The following PTPRT variants were observed in gnomAD, a reference collection of about 807,000 sequenced individuals.
PTPRT encodes the protein protein tyrosine phosphatase receptor type T.
In PTPRT, 56 loss-of-function variants were observed where a neutral mutation model predicts 176.8. The ratio of observed to expected loss-of-function variants is 0.32; its 90% CI spans 0.26 to 0.40. The LOEUF (loss-of-function observed/expected upper bound fraction) is 0.40. PTPRT is among the 10% of genes least tolerant of loss of function. The pLI, the probability that PTPRT is intolerant of heterozygous loss-of-function variation, is 1.00. For synonymous variants in PTPRT, 783 were observed against 739.0 expected, an observed-to-expected ratio of 1.06 and a Z score of -0.96; for missense variants, 1,540 against 1,908.2, an observed-to-expected ratio of 0.81 and a Z score of 3.60.
intron 6 of PTPRT, among the ~76,000 whole-genome samples, chr20:42,755,945 A>C (rs1295372303): frequency 1.3e-5 from 2 of 152,238 alleles, no homozygotes; most frequent in Non-Finnish European, 2.9e-5. Flanking sequence ...ATTTTAATGG[A>C]AAGCATGTAA....
At chr20:42,899,312 G>A (rs959502957) in intron 1 of PTPRT, among the ~76,000 whole-genome samples, 13 of 152,204 alleles carry the variant, frequency 8.5e-5, no homozygotes, top group African/African-American at 2.2e-4. Context: ...AGGTTTTCTC[G>A]ACACAGAAGG....
At chr20:42,355,142 C>A (rs190514272) in intron 9 of PTPRT, among the ~76,000 whole-genome samples, 262 of 152,202 alleles carry the variant, frequency 1.7e-3, no homozygotes, top group African/African-American at 6.1e-3. Flanking sequence ...TTAATTAACA[C>A]CCCAGCCCTG....
At chr20:42,732,472 G>A in intron 6 of PTPRT, among the ~76,000 whole-genome samples, 1 of 152,234 alleles carries the variant, frequency 6.6e-6, no homozygotes, top group East Asian at 1.9e-4. Context: ...GTTTGGCAGA[G>A]CCAAGAAGGA....
chr20:42,518,165 G>T (rs192058961), intron 7 of PTPRT, among the ~76,000 whole-genome samples: 1 of 151,816 alleles, frequency 6.6e-6, no homozygotes. Flanking sequence ...GACTTTTGTC[G>T]GTATATTAAT....
At chr20:42,516,875 G>A (rs1341189463) in intron 7 of PTPRT, among the ~76,000 whole-genome samples, 1 of 152,106 alleles carries the variant, frequency 6.6e-6, no homozygotes, top group Non-Finnish European at 1.5e-5. Context: ...AGCATTCTGA[G>A]AATGAATTCG....
intron 1 of PTPRT, among the ~76,000 whole-genome samples, chr20:43,086,539 G>T (rs909070993): frequency 9.2e-5 from 14 of 152,198 alleles, no homozygotes; most frequent in Admixed American, 5.2e-4. Flanking sequence ...TTGGCCTGAT[G>T]AATAATTTGC....
chr20:42,525,348 T>C (rs2072250000), intron 7 of PTPRT, among the ~76,000 whole-genome samples: 1 of 152,204 alleles, frequency 6.6e-6, no homozygotes, highest in African/African-American at 2.4e-5. Flanking sequence ...ACTGAGGGTA[T>C]ATGATTTCAA....
intron 7 of PTPRT, among the ~76,000 whole-genome samples, chr20:42,569,112 A>ATATATATATATATATAT (rs1344948586): frequency 4.1e-4 from 47 of 113,962 alleles, no homozygotes; most frequent in Non-Finnish European, 5.3e-4. Context: ...ATATATATAT[A>ATATATATATATATATAT]ATTTCAACTT....
chr20:42,915,647 G>A (rs1339346813), intron 1 of PTPRT, among the ~76,000 whole-genome samples: 1 of 151,964 alleles, frequency 6.6e-6, no homozygotes, highest in Admixed American at 6.6e-5. Context: ...TTTCAGAAAG[G>A]GTCTCACTCT....
At position 42,475,723 on chromosome 20, in the gene PTPRT, C is replaced by T. The variant is rs569130279; in HGVS notation, c.1154-3161G>A. Reference sequence around the variant, plus strand: ...TAAACACATTTAGTGCAAAGCTGACCGCTGGCCTTTTGATCCCTGGTCTCC... The same window carrying T: ...TAAACACATTTAGTGCAAAGCTGACTGCTGGCCTTTTGATCCCTGGTCTCC... On this transcript the variant is annotated intron_variant, in intron 7 of 30. Transcript: ENST00000373187. Among the ~76,000 whole-genome samples the T allele has an allele frequency of 1.4e-4, 21 of 152,260 alleles. No homozygotes were observed. In the South Asian group the frequency reaches 2.1e-3, roughly 15 times the overall value.
intron 9 of PTPRT, among the ~76,000 whole-genome samples, chr20:42,375,971 G>A (rs571791698): frequency 1.3e-5 from 2 of 152,240 alleles, no homozygotes; most frequent in South Asian, 2.1e-4. Context: ...AACCAATAAA[G>A]CAGCATGGGA....
chr20:42,670,978 T>C (rs1014487993), intron 7 of PTPRT, among the ~76,000 whole-genome samples: 7 of 152,102 alleles, frequency 4.6e-5, no homozygotes, highest in African/African-American at 1.4e-4. Context: ...AGGGTAACAA[T>C]GAGGAAGAGC....
At chr20:42,036,008 G>T in the PTPRT span, among the ~76,000 whole-genome samples, 1 of 152,306 alleles carries the variant, frequency 6.6e-6, no homozygotes, top group African/African-American at 2.4e-5. Flanking sequence ...ACTAGGTAGG[G>T]GAAGTGTGAC....
chr20:42,197,865 T>A (rs1349505894), intron 16 of PTPRT, among the ~76,000 whole-genome samples: 2 of 152,124 alleles, frequency 1.3e-5, no homozygotes, highest in Non-Finnish European at 2.9e-5. Flanking sequence ...TTCTCAACAT[T>A]TTTGTAGGTT....
At chr20:42,036,658 A>C in the PTPRT span, among the ~76,000 whole-genome samples, 1 of 152,234 alleles carries the variant, frequency 6.6e-6, no homozygotes, top group South Asian at 2.1e-4. Flanking sequence ...AAGGCCTGAG[A>C]TAAACACAGG....
rs111964514 is a variant in PTPRT, at chr20:42,113,685, C to A, written c.3099+1514G>T. On this transcript the variant is annotated intron_variant, in intron 22 of 30. Transcript: ENST00000373187. Reference sequence around the variant, plus strand: ...GCCTCTGTCCTTGGTTGGTGTCTTTCCTTCCCTCTCCTGCTTCCCACTCTC... The same window carrying A: ...GCCTCTGTCCTTGGTTGGTGTCTTTACTTCCCTCTCCTGCTTCCCACTCTC... 4.4e-3 allele frequency among the ~76,000 whole-genome samples: 668 copies of A among 152,360 alleles called. 2 individuals are homozygous for A. Among genetic ancestry groups the A allele is most frequent in the African/African-American group, 0.015 (628 of 41,592 alleles).
intron 15 of PTPRT, among the ~76,000 whole-genome samples, chr20:42,217,740 TACTCCC>T (rs2055808806): frequency 6.6e-6 from 1 of 152,196 alleles, no homozygotes; most frequent in South Asian, 2.1e-4. Flanking sequence ...TAGTTCCCCC[TACTCCC>T]AGGCATGTCA....
At chr20:42,463,162 C>T (rs192333145) in intron 8 of PTPRT, among the ~76,000 whole-genome samples, 12 of 151,976 alleles carry the variant, frequency 7.9e-5, no homozygotes, top group African/African-American at 2.7e-4. Context: ...GACTTACTTT[C>T]CTTTGATTAA....
At chr20:42,141,531 C>T (rs1988628898) in intron 18 of PTPRT, among the ~76,000 whole-genome samples, 1 of 152,218 alleles carries the variant, frequency 6.6e-6, no homozygotes, top group Non-Finnish European at 1.5e-5. Context: ...CTTCTGGGAA[C>T]ACAGAGCTCA....
Sources: gnomAD v4.1 joint callset for allele counts (sites outside exome capture counted in the v4.1 genomes callset) on GRCh38, gnomAD v4.1.1 for gene constraint, MANE v1.5 for transcripts, NCBI Gene and HGNC (gene_info 2026-07-23, HGNC 2026-07-21) for gene names.